The following TBC1D12 variants were observed in gnomAD, a reference collection of about 807,000 sequenced individuals.
TBC1D12 encodes TBC1 domain family member 12, also known as TBC1 domain family, member 12.
In TBC1D12, 56 loss-of-function variants were observed where a neutral mutation model predicts 86.7. That is an observed-to-expected ratio of 0.65 (90% CI 0.52 to 0.81). The LOEUF is 0.81. Among genes scored for constraint, TBC1D12 ranks in the 30% least tolerant of loss-of-function variants. The pLI, the probability that TBC1D12 is intolerant of heterozygous loss-of-function variation, is 0.00. For synonymous variants in TBC1D12, 421 were observed against 411.7 expected (o/e 1.02, Z -0.27); for missense variants, 1,023 against 1,038.8 (o/e 0.98, Z 0.21).
intron 11 of TBC1D12, among the ~76,000 whole-genome samples, chr10:94,525,575 G>A (rs1184002092): frequency 6.7e-6 from 1 of 148,876 alleles, no homozygotes; most frequent in Non-Finnish European, 1.5e-5. Flanking sequence ...CACGAGAATC[G>A]CTTGAACCCA....
intron 1 of TBC1D12, among the ~76,000 whole-genome samples, chr10:94,427,062 A>G (rs1329359791): frequency 6.6e-6 from 1 of 152,248 alleles, no homozygotes; most frequent in Non-Finnish European, 1.5e-5. Flanking sequence ...TATTATAAAG[A>G]TGAAATACAT....
At chr10:94,522,498 AGT>A (rs1842177495) in intron 11 of TBC1D12, 45 bp downstream of exon 11, 1 of 851,590 alleles carries the variant, frequency 1.2e-6, no homozygotes, top group Non-Finnish European at 1.8e-6. Context: ...AAGGAAATAA[AGT>A]ATAACTTTTT....
chr10:94,467,354 T>C (rs1365429267), intron 2 of TBC1D12, among the ~76,000 whole-genome samples: 1 of 152,032 alleles, frequency 6.6e-6, no homozygotes, highest in African/African-American at 2.4e-5. Flanking sequence ...TGCCTCAGCC[T>C]CCCGAGTAGC....
intron 3 of TBC1D12, among the ~76,000 whole-genome samples, chr10:94,480,515 C>A (rs950266557): frequency 2.0e-5 from 3 of 152,004 alleles, no homozygotes; most frequent in Non-Finnish European, 2.9e-5. Flanking sequence ...CTGATTGCGG[C>A]TTTGACTCTG....
At chr10:94,431,611 A>G (rs2055217104) in intron 1 of TBC1D12, among the ~76,000 whole-genome samples, 1 of 152,216 alleles carries the variant, frequency 6.6e-6, no homozygotes. Context: ...TGGTACTTCA[A>G]AATATGTCTT....
intron 7 of TBC1D12, 195 bp from the exon 8 acceptor site, chr10:94,509,896 T>C: frequency 2.0e-6 from 1 of 511,552 alleles, no homozygotes; most frequent in Non-Finnish European, 3.4e-6. Context: ...TATAACTTTC[T>C]GATAAATGTA....
rs756257344 is a variant in TBC1D12 at position 94,402,769 on chromosome 10, T to A, written c.156T>A (p.Ala52=). Residue 52 remains alanine (A), a synonymous_variant, in exon 1 of 13, where the codon GCT becomes GCA. Coordinates refer to ENST00000225235, the MANE Select transcript of TBC1D12 (RefSeq NM_015188.2). ...GCGCTGTGGAGCCGCCGGAGGAGGCTGACGAGGAGGAGGAGGCTGACGAGG... is the reference window on the plus strand; with the variant it reads ...GCGCTGTGGAGCCGCCGGAGGAGGCAGACGAGGAGGAGGAGGCTGACGAGG... ...GVGAVEPPEE[A]DEEEEADEEE... The A allele has an allele frequency of 7.5e-5, 115 of 1,529,940 alleles. No homozygotes were observed. The highest frequency in any genetic ancestry group is 9.7e-5 in the Non-Finnish European group (110 of 1,135,786). The allele number at this position is 1,529,940 out of a possible 1,614,324, so 94.8% of individuals were successfully genotyped here.
chr10:94,514,912 T>C (rs1033236583), intron 9 of TBC1D12, among the ~76,000 whole-genome samples: 35 of 145,716 alleles, frequency 2.4e-4, no homozygotes, highest in Admixed American at 1.4e-4. Context: ...TTTTTCTTTT[T>C]TTTTTTTTTT....
intron 1 of TBC1D12, among the ~76,000 whole-genome samples, chr10:94,424,797 G>A (rs144288322): frequency 2.7e-4 from 41 of 152,264 alleles, no homozygotes; most frequent in African/African-American, 8.9e-4. Flanking sequence ...AGGGCATATC[G>A]AAGCAGATTT....
At chr10:94,451,705 C>T (rs1330421680) in intron 2 of TBC1D12, among the ~76,000 whole-genome samples, 1 of 152,088 alleles carries the variant, frequency 6.6e-6, no homozygotes, top group African/African-American at 2.4e-5. Context: ...TTTTTGCTAA[C>T]AGGTGATATC....
intron 1 of TBC1D12, among the ~76,000 whole-genome samples, chr10:94,427,531 A>T: frequency 6.6e-6 from 1 of 152,142 alleles, no homozygotes; most frequent in Non-Finnish European, 1.5e-5. Context: ...CTCCTGCTGC[A>T]AAAGAAGAAA....
intron 1 of TBC1D12, among the ~76,000 whole-genome samples, chr10:94,425,737 A>G (rs1407268565): frequency 6.6e-6 from 1 of 152,152 alleles, no homozygotes; most frequent in Non-Finnish European, 1.5e-5. Context: ...TTATTTACAG[A>G]TAATTCTTGT....
intron 2 of TBC1D12, among the ~76,000 whole-genome samples, chr10:94,453,547 GAA>G (rs1363976985): frequency 6.6e-6 from 1 of 151,922 alleles, no homozygotes; most frequent in African/African-American, 2.4e-5. Context: ...ATATGTGTAG[GAA>G]AAAAGCACAT....
chr10:94,528,259 G>A (rs371992574), intron 11 of TBC1D12, among the ~76,000 whole-genome samples: 73 of 152,120 alleles, frequency 4.8e-4, no homozygotes, highest in African/African-American at 1.7e-3. Context: ...TCTTTCATCA[G>A]TGTTTTCCTT....
rs747424772 is a variant in TBC1D12, at chr10:94,402,716, G to C, written c.103G>C (p.Ala35Pro). 6 of 1,577,924 alleles carry C rather than the reference G, an allele frequency of 3.8e-6. No individual in the cohort carries two copies. Among genetic ancestry groups the C allele is most frequent in the Admixed American group, 1.8e-5 (1 of 55,366 alleles). Residue 35 changes from alanine to proline, a missense_variant, in exon 1 of 13, where the codon GCC becomes CCC. Transcript: ENST00000225235. ...GGGCCAGGACAGGAAGGTAATCCGG[G>C]CCACGGGCGGCTTTGGCGGAGGCGT... The part of the protein sequence containing the change: ...PVGQDRKVIR[A>P]TGGFGGGVGA...
chr10:94,406,058 G>A (rs2054850287), intron 1 of TBC1D12, among the ~76,000 whole-genome samples: 1 of 152,034 alleles, frequency 6.6e-6, no homozygotes, highest in Non-Finnish European at 1.5e-5. Context: ...TGATCCACCC[G>A]CCTCAGCCTC....
At chr10:94,434,840 G>A (rs1028240575) in intron 1 of TBC1D12, among the ~76,000 whole-genome samples, 1 of 152,118 alleles carries the variant, frequency 6.6e-6, no homozygotes, top group African/African-American at 2.4e-5. Context: ...CTGAGAGGTC[G>A]AGCTCTTTTT....
chr10:94,491,279 A>G lies in TBC1D12; in HGVS notation c.1212-2086A>G, dbSNP rs540645121. ...ATTCCTCCCTCCTACAACCTACCAG[A>G]TCAACTGACTAATTTGAGAAGAGGA... On this transcript the variant is annotated intron_variant, in intron 3 of 12. Coordinates refer to ENST00000225235, the MANE Select transcript of TBC1D12 (RefSeq NM_015188.2). 3.9e-5 allele frequency among the ~76,000 whole-genome samples: 6 copies of G among 152,260 alleles called. No individual in the cohort carries two copies. The South Asian group carries it at 1.2e-3, about 32-fold the overall frequency.
At chr10:94,481,390 G>A (rs895070046) in intron 3 of TBC1D12, among the ~76,000 whole-genome samples, 1 of 151,428 alleles carries the variant, frequency 6.6e-6, no homozygotes, top group Non-Finnish European at 1.5e-5. Context: ...CTTCATGAGT[G>A]ATCTTAGTGT....
Sources: gnomAD v4.1 joint callset for allele counts (sites outside exome capture counted in the v4.1 genomes callset) on GRCh38, gnomAD v4.1.1 for gene constraint, MANE v1.5 for transcripts, NCBI Gene and HGNC (gene_info 2026-07-23, HGNC 2026-07-21) for gene names.